Variants in MAGI2 observed in about 807,000 individuals in gnomAD.
MAGI2 encodes the protein membrane-associated guanylate kinase, WW and PDZ domain-containing protein 2.
MAGI2 carries 35 observed loss-of-function variants against 133.3 expected under a neutral mutation model. The ratio of observed to expected loss-of-function variants is 0.26; its 90% CI spans 0.20 to 0.35. The LOEUF is 0.35. MAGI2 is among the 10% of genes least tolerant of loss of function. The probability of loss-of-function intolerance (pLI) is 1.00; values close to 1 mark genes in which losing one functional copy is unlikely to be tolerated. For missense variants in MAGI2, 1,636 were observed against 1,863.4 expected (o/e 0.88, Z 2.25); for synonymous variants, 729 against 710.6 (o/e 1.03, Z -0.41).
intron 1 of MAGI2, among the ~76,000 whole-genome samples, chr7:79,320,693 C>T (rs555899331): frequency 2.8e-4 from 42 of 152,198 alleles, no homozygotes; most frequent in South Asian, 2.1e-3. Flanking sequence ...TGGAAGCTGA[C>T]TTGGATCTAT....
chr7:78,069,325 G>T (rs1347564297), intron 21 of MAGI2, among the ~76,000 whole-genome samples: 6 of 152,064 alleles, frequency 3.9e-5, no homozygotes, highest in Admixed American at 3.9e-4. Context: ...TGAAATCCCT[G>T]GAATGATATT....
intron 1 of MAGI2, among the ~76,000 whole-genome samples, chr7:79,447,920 G>A (rs1037270035): frequency 1.3e-5 from 2 of 151,716 alleles, no homozygotes; most frequent in Non-Finnish European, 1.5e-5. Context: ...TCTTTATGAG[G>A]TGCTTAATTT....
intron 1 of MAGI2, among the ~76,000 whole-genome samples, chr7:79,285,963 A>G (rs1835967530): frequency 2.0e-5 from 3 of 152,140 alleles, no homozygotes; most frequent in Non-Finnish European, 4.4e-5. Flanking sequence ...ACAGTTAAAA[A>G]TGAGTAGGAC....
At chr7:78,219,854 G>T (rs1463139757) in intron 10 of MAGI2, among the ~76,000 whole-genome samples, 1 of 152,088 alleles carries the variant, frequency 6.6e-6, no homozygotes, top group African/African-American at 2.4e-5. Flanking sequence ...CAGTACCTCA[G>T]AACTTCTTGC....
At chr7:78,072,897 G>C in intron 21 of MAGI2, 1 of 398,638 alleles carries the variant, frequency 2.5e-6, no homozygotes, top group Non-Finnish European at 4.4e-6. Flanking sequence ...GGCTCAAGCA[G>C]TCCTCCTGCC....
chr7:78,380,195 A>T (rs1048148746), intron 6 of MAGI2, among the ~76,000 whole-genome samples: 3 of 152,070 alleles, frequency 2.0e-5, no homozygotes, highest in Admixed American at 6.6e-5. Flanking sequence ...AAGCAAAAAA[A>T]TTGTACAAAA....
intron 1 of MAGI2, among the ~76,000 whole-genome samples, chr7:79,337,586 T>C (rs1043616358): frequency 6.6e-6 from 1 of 152,178 alleles, no homozygotes; most frequent in Non-Finnish European, 1.5e-5. Context: ...TCTTTTTTGG[T>C]ACAATGAAAA....
chr7:78,880,641 A>G (rs371924657), intron 2 of MAGI2, among the ~76,000 whole-genome samples: 2 of 152,216 alleles, frequency 1.3e-5, no homozygotes, highest in East Asian at 3.8e-4. Flanking sequence ...TCCATACTCT[A>G]TAGTCTCTAT....
intron 3 of MAGI2, among the ~76,000 whole-genome samples, chr7:78,585,676 GGGGAAGCAAT>G (rs1453503188): frequency 6.6e-6 from 1 of 152,188 alleles, no homozygotes; most frequent in East Asian, 1.9e-4. Context: ...GAGGTGCCCA[GGGGAAGCAAT>G]GGCAGCATTA....
rs587780388 is a variant in MAGI2 at position 78,127,220 on chromosome 7, G to C, written c.3400C>G (p.Leu1134Val). The C allele has an allele frequency of 5.0e-6, 8 of 1,595,258 alleles. No individual in the cohort carries two copies. Among genetic ancestry groups the C allele is most frequent in the Non-Finnish European group, 6.0e-6 (7 of 1,171,498 alleles). The part of the protein sequence containing the change: ...QHSPDTRQYP[L>V]SDYRQPQDFD... ...ACCTGGGGTTGTCTGTAGTCCGACA[G>C]AGGGTACTGCCTGGTGTCGGGGGAG... The change falls in exon 19 of 22, where the codon CTG becomes GTG. Residue 1134 changes from leucine to valine, a missense_variant. By Grantham distance (32) the Leu-to-Val change is conservative. This residue lies in a region of MAGI2 where 920 missense variants were observed against 1,093.5 expected (regional missense o/e 0.84). Transcript: ENST00000354212.
intron 2 of MAGI2, among the ~76,000 whole-genome samples, chr7:78,628,694 G>T (rs1004288706): frequency 6.7e-6 from 1 of 150,314 alleles, no homozygotes; most frequent in African/African-American, 2.5e-5. Context: ...TCCCTGAATT[G>T]GTTATTTTGT....
chr7:78,826,429 C>A (rs1321791357), intron 2 of MAGI2, among the ~76,000 whole-genome samples: 1 of 151,102 alleles, frequency 6.6e-6, no homozygotes, highest in Admixed American at 6.6e-5. Flanking sequence ...ACTGTAGGAT[C>A]CTAATTTTTT....
At chr7:79,357,377 T>C (rs1448258065) in intron 1 of MAGI2, among the ~76,000 whole-genome samples, 1 of 151,784 alleles carries the variant, frequency 6.6e-6, no homozygotes, top group Non-Finnish European at 1.5e-5. Context: ...AGAAAGGGCA[T>C]AAATGCTGAC....
intron 21 of MAGI2, among the ~76,000 whole-genome samples, chr7:78,047,545 C>A (rs765400406): frequency 3.9e-5 from 6 of 152,238 alleles, no homozygotes; most frequent in Admixed American, 1.3e-4. Context: ...TTGTCCTCCT[C>A]TGTTTTCCCT....
intron 7 of MAGI2, among the ~76,000 whole-genome samples, chr7:78,352,544 C>A (rs755817219): frequency 6.6e-6 from 1 of 152,122 alleles, no homozygotes; most frequent in Non-Finnish European, 1.5e-5. Context: ...GGGGAAATGT[C>A]AGTTTGCTTT....
intron 6 of MAGI2, among the ~76,000 whole-genome samples, chr7:78,380,651 T>G (rs190735971): frequency 1.0e-3 from 157 of 152,156 alleles, no homozygotes; most frequent in South Asian, 1.9e-3. Flanking sequence ...TATAGTTAGA[T>G]AGAATGAATA....
At chr7:78,175,908 G>C (rs537788030) in intron 14 of MAGI2, among the ~76,000 whole-genome samples, 15 of 152,306 alleles carry the variant, frequency 9.8e-5, no homozygotes, top group African/African-American at 3.6e-4. Context: ...AATCCTGAAG[G>C]AAGCCAAGCT....
In MAGI2 at chr7:78,154,577, A is replaced by G. The variant is rs559400038; in HGVS notation, c.2845+5448T>C. 2.6e-5 allele frequency among the ~76,000 whole-genome samples: 4 copies of G among 152,216 alleles called. No individual in the cohort carries two copies. In the South Asian group the frequency reaches 8.3e-4, roughly 32 times the overall value. ...ACCTGCTGCTTGTTATCCTATATCTAAGTTTAGAAATTCCCTCAATAGCCT... is the reference window on the plus strand; with the variant it reads ...ACCTGCTGCTTGTTATCCTATATCTGAGTTTAGAAATTCCCTCAATAGCCT... On this transcript the variant is annotated intron_variant, in intron 16 of 21. Transcript: ENST00000354212.
chr7:78,864,309 A>G (rs1305699702), intron 2 of MAGI2, among the ~76,000 whole-genome samples: 6 of 152,196 alleles, frequency 3.9e-5, no homozygotes, highest in Non-Finnish European at 8.8e-5. Context: ...GACACCTCCT[A>G]CTTTCACTTA....
Sources: allele counts gnomAD v4.1 joint callset (sites outside exome capture counted in the v4.1 genomes callset), GRCh38; gene constraint gnomAD v4.1.1; regional missense constraint gnomAD v4.1.1; transcripts MANE v1.5; gene names NCBI Gene and HGNC (gene_info 2026-07-23, HGNC 2026-07-21).